RALYL: variants seen among roughly 807,000 people sequenced by gnomAD.
RALYL encodes RALY RNA binding protein like.
RALYL carries 29 observed loss-of-function variants against 35.1 expected under a neutral mutation model. That is an observed-to-expected ratio of 0.83 (90% CI 0.61 to 1.13). The LOEUF (loss-of-function observed/expected upper bound fraction) is 1.13, where lower values mean the gene tolerates loss of function less well. Ranked by LOEUF, RALYL falls within the 50% of genes most tolerant of loss-of-function variation. The pLI, the probability that RALYL is intolerant of heterozygous loss-of-function variation, is 0.00. For missense variants in RALYL, 359 were observed against 360.4 expected (o/e 1.00, Z 0.03); for synonymous variants, 120 against 127.6 (o/e 0.94, Z 0.40).
At chr8:84,234,570 G>A (rs28478881) in intron 1 of RALYL, among the ~76,000 whole-genome samples, 2 of 151,858 alleles carry the variant, frequency 1.3e-5, no homozygotes, top group African/African-American at 4.8e-5. Flanking sequence ...AGTTACTTAA[G>A]CATTTTAAGC....
intron 1 of RALYL, among the ~76,000 whole-genome samples, chr8:84,250,753 T>C (rs560227658): frequency 6.6e-6 from 1 of 152,280 alleles, no homozygotes; most frequent in East Asian, 1.9e-4. Context: ...TTTCAGTCTA[T>C]CATGTACTTT....
chr8:84,584,242 C>T (rs116009738), intron 2 of RALYL, among the ~76,000 whole-genome samples: 2,222 of 152,236 alleles, frequency 0.015, 65 homozygotes, highest in African/African-American at 0.051. Context: ...GATCATATGG[C>T]AGAACATATA....
At chr8:84,819,219 T>G (rs954247034) in intron 4 of RALYL, among the ~76,000 whole-genome samples, 24 of 152,150 alleles carry the variant, frequency 1.6e-4, no homozygotes, top group Non-Finnish European at 8.8e-5. Context: ...CCCAAAGCCC[T>G]CCAGGCTACT....
At chr8:84,308,820 C>T (rs1842268208) in intron 1 of RALYL, among the ~76,000 whole-genome samples, 1 of 152,032 alleles carries the variant, frequency 6.6e-6, no homozygotes, top group Non-Finnish European at 1.5e-5. Flanking sequence ...TATTTAATCA[C>T]ATATCAAAGT....
At chr8:84,612,124 A>C (rs993071357) in intron 2 of RALYL, among the ~76,000 whole-genome samples, 2 of 151,998 alleles carry the variant, frequency 1.3e-5, no homozygotes, top group Non-Finnish European at 2.9e-5. Flanking sequence ...ATTGTTTGCT[A>C]TGTAGAAGAT....
intron 1 of RALYL, among the ~76,000 whole-genome samples, chr8:84,444,192 T>C (rs76720229): frequency 6.6e-6 from 1 of 152,096 alleles, no homozygotes; most frequent in East Asian, 1.9e-4. Flanking sequence ...AGCCGGGCAT[T>C]GTGGTGCGTG....
chr8:84,537,941 T>C (rs1027641380), intron 2 of RALYL, among the ~76,000 whole-genome samples: 4 of 152,188 alleles, frequency 2.6e-5, no homozygotes, highest in African/African-American at 9.6e-5. Flanking sequence ...AATCTGGTAA[T>C]TGTTTAAGAA....
chr8:84,228,072 G>T (rs899219182), intron 1 of RALYL, among the ~76,000 whole-genome samples: 1 of 150,130 alleles, frequency 6.7e-6, no homozygotes, highest in East Asian at 2.0e-4. Context: ...GAATTGAAGA[G>T]ATACTCCCCT....
intron 2 of RALYL, among the ~76,000 whole-genome samples, chr8:84,617,142 G>A (rs1367571231): frequency 2.1e-4 from 31 of 150,656 alleles, no homozygotes; most frequent in Admixed American, 1.1e-3. Context: ...GTCATTGGTA[G>A]CTTGATGGGG....
intron 4 of RALYL, among the ~76,000 whole-genome samples, chr8:84,815,408 C>T (rs975456740): frequency 6.8e-6 from 1 of 146,880 alleles, no homozygotes; most frequent in Non-Finnish European, 1.5e-5. Flanking sequence ...TATATATTTA[C>T]TATTTATATA....
At chr8:84,209,822 C>T (rs1276806932) in intron 1 of RALYL, among the ~76,000 whole-genome samples, 4 of 152,146 alleles carry the variant, frequency 2.6e-5, no homozygotes, top group Non-Finnish European at 4.4e-5. Context: ...TCCCCAACTA[C>T]ATGTGTATGT....
intron 4 of RALYL, among the ~76,000 whole-genome samples, chr8:84,813,867 A>G (rs1440294689): frequency 1.3e-5 from 2 of 149,420 alleles, no homozygotes; most frequent in South Asian, 2.1e-4. Flanking sequence ...TTAACTTGTC[A>G]TTTACAGGAG....
intron 8 of RALYL, among the ~76,000 whole-genome samples, chr8:84,900,680 A>G (rs568821611): frequency 7.0e-6 from 1 of 142,472 alleles, no homozygotes; most frequent in African/African-American, 2.6e-5. Flanking sequence ...AGTTTGTCTT[A>G]AAAAAAAAAA....
At chr8:84,254,228 T>C (rs377485073) in intron 1 of RALYL, among the ~76,000 whole-genome samples, 2 of 152,164 alleles carry the variant, frequency 1.3e-5, no homozygotes, top group African/African-American at 4.8e-5. Flanking sequence ...TTATCTTCTG[T>C]TGTATATATT....
intron 2 of RALYL, among the ~76,000 whole-genome samples, chr8:84,631,246 A>C (rs1823843293): frequency 6.6e-6 from 1 of 151,982 alleles, no homozygotes; most frequent in Admixed American, 6.6e-5. Flanking sequence ...AGAAATATGG[A>C]CTGTATGAAA....
rs553906726 is a variant in RALYL at position 84,441,966 on chromosome 8, T to C, written c.-23-87333T>C. Among the ~76,000 whole-genome samples the C allele has an allele frequency of 2.6e-5, 4 of 152,212 alleles. No individual in the cohort carries two copies. In the East Asian group the frequency reaches 7.8e-4, roughly 30 times the overall value. On this transcript the variant is annotated intron_variant, in intron 1 of 8. Transcript: ENST00000521268. The stretch of plus-strand genomic sequence containing the variant: ...GCCACATATAGGTATATTTATTCCC[T>C]TGTTCACATCATAAAAATGAGCTGA...
At chr8:84,818,622 T>C (rs1436571369) in intron 4 of RALYL, among the ~76,000 whole-genome samples, 2 of 152,174 alleles carry the variant, frequency 1.3e-5, no homozygotes, top group Admixed American at 1.3e-4. Context: ...GAAATTATCC[T>C]AATACAAGGA....
intron 1 of RALYL, among the ~76,000 whole-genome samples, chr8:84,303,536 T>C (rs1254562979): frequency 1.3e-5 from 2 of 152,160 alleles, no homozygotes; most frequent in African/African-American, 4.8e-5. Flanking sequence ...ATTACTTAAT[T>C]AGTTTTCTAA....
chr8:84,862,480 T>G, intron 6 of RALYL, 27 bp downstream of exon 6: 1 of 1,516,280 alleles, frequency 6.6e-7, no homozygotes, highest in Non-Finnish European at 8.8e-7. Flanking sequence ...ATTTTATTTC[T>G]CTTTAAAGAA....
Sources: allele counts gnomAD v4.1 joint callset (sites outside exome capture counted in the v4.1 genomes callset), GRCh38; gene constraint gnomAD v4.1.1; transcripts MANE v1.5; gene names NCBI Gene and HGNC (gene_info 2026-07-23, HGNC 2026-07-21).